UGT1A8: variants seen among roughly 807,000 people sequenced by gnomAD.
UGT1A8 encodes the protein UDP-glucuronosyltransferase 1A8.
In UGT1A8, 39 loss-of-function variants were observed where a neutral mutation model predicts 45.3. The observed-to-expected ratio is 0.86, with a 90% CI of 0.67 to 1.12. UGT1A8 has a LOEUF of 1.12. Ranked by LOEUF, UGT1A8 falls within the 50% of genes most tolerant of loss-of-function variation. UGT1A8 has a pLI of 0.00. For synonymous variants in UGT1A8, 275 were observed against 249.2 expected, an observed-to-expected ratio of 1.10 and a Z score of -0.97; for missense variants, 719 against 664.9, an observed-to-expected ratio of 1.08 and a Z score of -0.90.
intron 1 of UGT1A8, among the ~76,000 whole-genome samples, chr2:233,680,065 C>G (rs1027801713): frequency 2.0e-5 from 3 of 151,886 alleles, no homozygotes; most frequent in African/African-American, 7.3e-5. Context: ...TGGTCCTTAT[C>G]TATCTTCATT....
chr2:233,636,842 C>A, intron 1 of UGT1A8: 1 of 1,614,206 alleles, frequency 6.2e-7, no homozygotes, highest in Non-Finnish European at 8.5e-7. Context: ...AGTATATTTT[C>A]TCTATTAATG....
intron 1 of UGT1A8, chr2:233,708,765 C>G (rs961432018): frequency 6.6e-6 from 1 of 152,024 alleles, no homozygotes; most frequent in Admixed American, 6.6e-5. Flanking sequence ...CCCACCCCCC[C>G]CCAAATCAAT....
chr2:233,732,557 T>C (rs1353780891), intron 1 of UGT1A8, among the ~76,000 whole-genome samples: 4 of 152,228 alleles, frequency 2.6e-5, no homozygotes, highest in Non-Finnish European at 5.9e-5. Flanking sequence ...ATTTATTAAA[T>C]AAGGAATCCT....
intron 1 of UGT1A8, chr2:233,691,283 C>A: frequency 1.0e-6 from 1 of 985,546 alleles, no homozygotes; most frequent in Non-Finnish European, 1.2e-6. Flanking sequence ...TGACTTTGAT[C>A]ATTGTAAGCT....
At position 233,691,464 on chromosome 2, in the gene UGT1A8, A is replaced by G. The variant is rs995764297; in HGVS notation, c.855+72902A>G. 5.1e-6 allele frequency: 5 copies of G among 985,472 alleles called. No homozygotes were observed. The African/African-American group carries it at 5.2e-5, about 10-fold the overall frequency. 61.0% of individuals were successfully genotyped at this position (985,472 alleles called of 1,614,324 possible). A position where few individuals can be genotyped will look rare whatever the true frequency, so the allele number is the denominator to read the frequency against. ...CTTCTCCCTTCCTGGGCCCCAGAAC[A>G]CCTCCGGTGCCAAACTTGTGGGTGG... is the stretch of plus-strand genomic sequence containing the variant. On this transcript the variant is annotated intron_variant, in intron 1 of 4. Transcript: ENST00000373450.
intron 1 of UGT1A8, among the ~76,000 whole-genome samples, chr2:233,667,742 A>G (rs2074107331): frequency 6.6e-6 from 1 of 152,224 alleles, no homozygotes; most frequent in South Asian, 2.1e-4. Context: ...GACCCTTCTC[A>G]AAAGAAGACA....
chr2:233,660,947 C>A (rs376616575), intron 1 of UGT1A8, among the ~76,000 whole-genome samples: 1 of 152,078 alleles, frequency 6.6e-6, no homozygotes, highest in African/African-American at 2.4e-5. Context: ...CCATTAAATT[C>A]TCCAGCTTTA....
In UGT1A8 at chr2:233,767,859, G is replaced by C. The variant is rs750453538; in HGVS notation, c.998G>C (p.Arg333Pro). ...LGKIPQTVLWRYTGTRPSNLA... is the reference protein window; with the variant it reads ...LGKIPQTVLWPYTGTRPSNLA... Reference sequence around the variant, plus strand: ...TTTTGCCCCTCCCAGGTCCTGTGGCGGTACACTGGAACCCGACCATCGAAT... The same window carrying C: ...TTTTGCCCCTCCCAGGTCCTGTGGCCGTACACTGGAACCCGACCATCGAAT... Residue 333 changes from arginine to proline, a missense_variant, in exon 3 of 5, where the codon CGG becomes CCG. Physicochemically the swap from Arg to Pro is moderately radical, Grantham distance 103 (BLOSUM62 -2). Transcript: ENST00000373450. 6.2e-7 allele frequency: 1 copy of C among 1,613,938 alleles called. No individual in the cohort carries two copies. The highest frequency in any genetic ancestry group is 1.3e-5 in the African/African-American group (1 of 74,850).
intron 1 of UGT1A8, among the ~76,000 whole-genome samples, chr2:233,658,252 CAA>C (rs2073897548): frequency 6.6e-6 from 1 of 152,182 alleles, no homozygotes; most frequent in South Asian, 2.1e-4. Flanking sequence ...CTCCTGACCT[CAA>C]GAGACCCACG....
chr2:233,643,628 C>A (rs2073519036), intron 1 of UGT1A8, among the ~76,000 whole-genome samples: 1 of 152,056 alleles, frequency 6.6e-6, no homozygotes, highest in Non-Finnish European at 1.5e-5. Context: ...GAGTTTTGCT[C>A]CATAGCCATC....
intron 1 of UGT1A8, among the ~76,000 whole-genome samples, chr2:233,724,126 A>ACCTC: frequency 1.1e-5 from 1 of 94,706 alleles, no homozygotes. Flanking sequence ...GGCGCCCCTC[A>ACCTC]CCTCCCGGAC....
rs561823899 is a variant in UGT1A8 at position 233,704,839 on chromosome 2, G to A, written c.856-62195G>A. ...CTTTTTAGGATTGCTTTTAAAATCA[G>A]TTAAGAGAATAGGGCCGGGCACGGT... On this transcript the variant is annotated intron_variant, in intron 1 of 4. Transcript: ENST00000373450. Among the ~76,000 whole-genome samples, 3 of 152,072 alleles carry A rather than the reference G, an allele frequency of 2.0e-5. No homozygotes were observed. In the South Asian group the frequency reaches 6.2e-4, roughly 32 times the overall value.
At chr2:233,755,054 C>G (rs748506326) in intron 1 of UGT1A8, 13 of 1,332,706 alleles carry the variant, frequency 9.8e-6, no homozygotes, top group South Asian at 6.9e-5. Context: ...CGCCCTCCGC[C>G]CTCGCCTCGC....
intron 1 of UGT1A8, among the ~76,000 whole-genome samples, chr2:233,645,644 T>C (rs2073581118): frequency 6.6e-6 from 1 of 152,170 alleles, no homozygotes; most frequent in South Asian, 2.1e-4. Context: ...ATCTTAAAGC[T>C]CCAAAATGAT....
At position 233,636,394 on chromosome 2, in the gene UGT1A8, T is replaced by G; in HGVS notation, c.855+17832T>G. ...AGTAAATCATTGGCAGTGAGTGTGA[T>G]TTTTTTTTTTTTATGAAAGGATAAA... is the stretch of plus-strand genomic sequence containing the variant. On this transcript the variant is annotated intron_variant, in intron 1 of 4. Coordinates refer to ENST00000373450, the MANE Select transcript of UGT1A8 (RefSeq NM_019076.5). 3 of 862,224 alleles carry G rather than the reference T, an allele frequency of 3.5e-6. No individual in the cohort carries two copies. In the African/African-American group the frequency reaches 1.4e-4, roughly 42 times the overall value. 53.4% of individuals were successfully genotyped at this position (862,224 alleles called of 1,614,324 possible).
At chr2:233,627,410 T>C (rs2073103196) in intron 1 of UGT1A8, among the ~76,000 whole-genome samples, 1 of 152,010 alleles carries the variant, frequency 6.6e-6, no homozygotes, top group Non-Finnish European at 1.5e-5. Flanking sequence ...ATTCTTCACC[T>C]CTCTTTTGCT....
At chr2:233,754,611 T>C (rs562553027) in intron 1 of UGT1A8, 1 of 437,308 alleles carries the variant, frequency 2.3e-6, no homozygotes, top group Non-Finnish European at 4.6e-6. Context: ...CAACTCTCCA[T>C]CTTCCTCCAC....
At chr2:233,654,206 A>G (rs2073803309) in intron 1 of UGT1A8, among the ~76,000 whole-genome samples, 1 of 152,230 alleles carries the variant, frequency 6.6e-6, no homozygotes, top group African/African-American at 2.4e-5. Context: ...GAAAAAAAGG[A>G]AAAAAACCTC....
rs1297199305 is a variant in UGT1A8, at chr2:233,749,242, C to T, written c.856-17792C>T. 1.3e-5 allele frequency among the ~76,000 whole-genome samples: 2 copies of T among 151,678 alleles called. 1 individual carries two copies. Among genetic ancestry groups the T allele is most frequent in the Admixed American group, 1.3e-4 (2 of 15,250 alleles). ...TAAGCTTCATTTTTTAAAATCAAACCACATGATTTTTTTATTGGTGATTTT... is the reference window on the plus strand; with the variant it reads ...TAAGCTTCATTTTTTAAAATCAAACTACATGATTTTTTTATTGGTGATTTT... On this transcript the variant is annotated intron_variant, in intron 1 of 4. Transcript: ENST00000373450.
Sources: allele counts gnomAD v4.1 joint callset (sites outside exome capture counted in the v4.1 genomes callset), GRCh38; gene constraint gnomAD v4.1.1; transcripts MANE v1.5; gene names NCBI Gene and HGNC (gene_info 2026-07-23, HGNC 2026-07-21).